The following TLN1 variants were observed in gnomAD, a reference collection of about 807,000 sequenced individuals.
The protein encoded by TLN1 is talin-1.
TLN1 carries 56 observed loss-of-function variants against 292.3 expected under a neutral mutation model. The ratio of observed to expected loss-of-function variants is 0.19; its 90% CI spans 0.15 to 0.24. The LOEUF is 0.24. Ranked by LOEUF, TLN1 falls within the 10% of genes least tolerant of loss-of-function variation. The pLI, the probability that TLN1 is intolerant of heterozygous loss-of-function variation, is 1.00. For missense variants in TLN1, 2,433 were observed against 3,248.2 expected (o/e 0.75, Z 6.10); for synonymous variants, 1,119 against 1,253.7 (o/e 0.89, Z 2.27).
In TLN1 at chr9:35,710,779, G is replaced by T. The variant is rs1460656036; in HGVS notation, c.4203+18C>A. 5 of 1,614,052 alleles carry T rather than the reference G, an allele frequency of 3.1e-6. No homozygotes were observed. In the African/African-American group the frequency reaches 5.3e-5, roughly 17 times the overall value. ...CATCCTACTGCCCTCTCTCCTCCGAGTTCCTGGCTGTGCTGACCTTTGAGT... is the reference window on the plus strand; with the variant it reads ...CATCCTACTGCCCTCTCTCCTCCGATTTCCTGGCTGTGCTGACCTTTGAGT... On this transcript the variant is annotated intron_variant, in intron 32 of 56. Coordinates refer to ENST00000314888, the MANE Select transcript of TLN1 (RefSeq NM_006289.4).
At position 35,714,685 on chromosome 9, in the gene TLN1, T is replaced by C; in HGVS notation, c.2874A>G (p.Ala958=). Residue 958 remains alanine, a splice_region_variant and synonymous_variant, in exon 23 of 57, where the codon GCA becomes GCG. Transcript: ENST00000314888. This position sits in a 1 kb window ranked among gnomAD's most constrained non-coding sequence, Gnocchi z 4.6. ...PQPLLVQSCK[A]VAEQIPLLVQ... Reference sequence around the variant, plus strand: ...CCAGCAGTGGAATCTGCTCTGCCACTGCCTGTAGGTGAAAATGTCATAAGA... The same window carrying C: ...CCAGCAGTGGAATCTGCTCTGCCACCGCCTGTAGGTGAAAATGTCATAAGA... 1 of 1,614,136 alleles carries C rather than the reference T, an allele frequency of 6.2e-7. No homozygotes were observed. Among genetic ancestry groups the C allele is most frequent in the Non-Finnish European group, 8.5e-7 (1 of 1,180,006 alleles).
At chr9:35,705,210 G>C (rs1825543470) in intron 43 of TLN1, among the ~76,000 whole-genome samples, 1 of 152,216 alleles carries the variant, frequency 6.6e-6, no homozygotes, top group Non-Finnish European at 1.5e-5. Context: ...GAAAGCTAGA[G>C]GCTTAGGTAA....
At chr9:35,710,458 T>C in intron 33 of TLN1, 103 bp downstream of exon 33, 2 of 1,495,360 alleles carry the variant, frequency 1.3e-6, no homozygotes, top group East Asian at 4.6e-5. Flanking sequence ...GAGTTGGCTT[T>C]GCAAACATAA....
At chr9:35,722,976 G>A in intron 7 of TLN1, 55 bp from the exon 8 acceptor site, 1 of 1,538,358 alleles carries the variant, frequency 6.5e-7, no homozygotes, top group Non-Finnish European at 9.0e-7. Flanking sequence ...GGGACATGTG[G>A]GCCATGAACT....
chr9:35,729,999 T>C (rs1826045334), intron 1 of TLN1, among the ~76,000 whole-genome samples: 1 of 152,040 alleles, frequency 6.6e-6, no homozygotes, highest in Non-Finnish European at 1.5e-5. Context: ...AGAAAAAGAA[T>C]GCTGGTGATG....
chr9:35,725,534 C>T, intron 2 of TLN1, 31 bp downstream of exon 2: 1 of 1,606,980 alleles, frequency 6.2e-7, no homozygotes, highest in Non-Finnish European at 8.5e-7. Context: ...CTGAAGACTC[C>T]CACTCCAGCC....
In TLN1 at chr9:35,698,737, T is replaced by C. The variant is rs1825412431; in HGVS notation, c.7126-58A>G. 6.2e-7 allele frequency: 1 copy of C among 1,614,070 alleles called. No homozygotes were observed. The highest frequency in any genetic ancestry group is 8.5e-7 in the Non-Finnish European group (1 of 1,179,948). ...CATTTTCCTCACTTCAAAGACTCGC[T>C]GGCTATGGATGTGGATGTGGACATC... On this transcript the variant is annotated intron_variant, in intron 53 of 56. Coordinates refer to ENST00000314888, the MANE Select transcript of TLN1 (RefSeq NM_006289.4). This position sits in a 1 kb window ranked among gnomAD's most constrained non-coding sequence, Gnocchi z 5.3.
intron 48 of TLN1, among the ~76,000 whole-genome samples, chr9:35,700,589 T>G (rs940178724): frequency 2.6e-5 from 4 of 152,284 alleles, no homozygotes; most frequent in Non-Finnish European, 5.9e-5. Context: ...TGGCTGGGTT[T>G]TCATTCCCAA....
Position 35,719,658 on chromosome 9 carries a change from T to C in TLN1, c.1579-31A>G, listed in dbSNP as rs1054415573. The C allele has an allele frequency of 1.9e-6, 3 of 1,612,588 alleles. No individual in the cohort carries two copies. The African/African-American group carries it at 4.0e-5, about 22-fold the overall frequency. ...AGAGAGAGGAAAAGCCTTCAGGATC[T>C]GCCCTGGTTTGGTTCACCTCATCCC... On this transcript the variant is annotated intron_variant, in intron 14 of 56. Transcript: ENST00000314888. This position sits in a 1 kb window ranked among gnomAD's most constrained non-coding sequence, Gnocchi z 4.6.
rs1242336772 is a variant in TLN1 at position 35,704,138 on chromosome 9, C to G, written c.6084G>C (p.Glu2028Asp). The change falls in exon 46 of 57, where the codon GAG becomes GAC. Residue 2028 changes from glutamate to aspartate, a missense_variant. By Grantham distance (45) the Glu-to-Asp change is conservative. Around this residue, in one of 7 missense-constraint regions of TLN1, gnomAD observed 1,384 missense variants for 1,699.6 expected, o/e 0.81. Transcript: ENST00000314888. This position sits in a 1 kb window ranked among gnomAD's most constrained non-coding sequence, Gnocchi z 6.9. ...CGTTTTGCACCAGGACCTTGGTGTC[C>G]TCCACCAGCACCTTCGCAGTCTTCA... ...GILKTAKVLV[E>D]DTKVLVQNAA... The G allele has an allele frequency of 5.6e-6, 9 of 1,610,766 alleles. No homozygotes were observed. The highest frequency in any genetic ancestry group is 7.6e-6 in the Non-Finnish European group (9 of 1,178,200).
At position 35,717,132 on chromosome 9, in the gene TLN1, G is replaced by T. The variant is rs747746098; in HGVS notation, c.2458+14C>A. 6 of 1,581,382 alleles carry T rather than the reference G, an allele frequency of 3.8e-6. No individual in the cohort carries two copies. The Admixed American group carries it at 1.0e-4, about 28-fold the overall frequency. ...TGGTAGGGTTTTTTGTTTTCCTGGG[G>T]GTGCGTGTCTTACCAGCATCACCCA... On this transcript the variant is annotated intron_variant, in intron 19 of 56. Coordinates refer to ENST00000314888, the MANE Select transcript of TLN1 (RefSeq NM_006289.4). This position sits in a 1 kb window ranked among gnomAD's most constrained non-coding sequence, Gnocchi z 4.7.
intron 11 of TLN1, 76 bp downstream of exon 11, chr9:35,720,736 G>GT: frequency 1.4e-6 from 2 of 1,405,512 alleles, no homozygotes; most frequent in Non-Finnish European, 2.0e-6. Flanking sequence ...AGCAATCTGA[G>GT]TGCCCATTTC....
chr9:35,707,265 G>C lies in TLN1; in HGVS notation c.4774-12C>G, dbSNP rs1213429205. 1.2e-6 allele frequency: 2 copies of C among 1,603,390 alleles called. No homozygotes were observed. Among genetic ancestry groups the C allele is most frequent in the African/African-American group, 1.3e-5 (1 of 74,648 alleles). On this transcript the variant is annotated splice_polypyrimidine_tract_variant and intron_variant, in intron 36 of 56. Transcript: ENST00000314888. This position sits in a 1 kb window ranked among gnomAD's most constrained non-coding sequence, Gnocchi z 5.6. ...ATGGCAGCCCGACCCTGGGGAGAGG[G>C]GAGGCAGGAAGGTAAGTCTCAGGAG...
At position 35,724,987 on chromosome 9, in the gene TLN1, G is replaced by A. The variant is rs1825943371; in HGVS notation, c.229-28C>T. 1 of 1,613,668 alleles carries A rather than the reference G, an allele frequency of 6.2e-7. No individual in the cohort carries two copies. Among genetic ancestry groups the A allele is most frequent in the Non-Finnish European group, 8.5e-7 (1 of 1,180,018 alleles). ...GTTAGGGCAGGAAGAAGAGACAGGG[G>A]CCTACTCTGAGCTAGGGGTATTATT... On this transcript the variant is annotated intron_variant, in intron 3 of 56. Coordinates refer to ENST00000314888, the MANE Select transcript of TLN1 (RefSeq NM_006289.4). The surrounding 1 kb of genome is among the most constrained non-coding windows in gnomAD (Gnocchi z 4.7).
chr9:35,715,025 T>C, intron 21 of TLN1, 34 bp downstream of exon 21: 1 of 1,612,412 alleles, frequency 6.2e-7, no homozygotes, highest in Non-Finnish European at 8.5e-7. Context: ...GCACCCACAC[T>C]CTCTCTTGCT....
chr9:35,698,483 G>T lies in TLN1; in HGVS notation c.7211C>A (p.Thr2404Asn). Residue 2404 changes from threonine (T) to asparagine (N), a missense_variant, in exon 55 of 57, where the codon ACC (threonine) becomes AAC (asparagine). Coordinates refer to ENST00000314888, the MANE Select transcript of TLN1 (RefSeq NM_006289.4). This position sits in a 1 kb window ranked among gnomAD's most constrained non-coding sequence, Gnocchi z 5.3. The part of the protein sequence containing the change: ...ISAARMVAAA[T>N]NNLCEAANAA... ...ATTGGCTGCCTCACACAGATTGTTG[G>T]TGGCCGCAGCCACCATCCGGGCCTA... The T allele has an allele frequency of 6.2e-7, 1 of 1,613,928 alleles. No homozygotes were observed. The highest frequency in any genetic ancestry group is 8.5e-7 in the Non-Finnish European group (1 of 1,179,944).
chr9:35,721,855 G>A, intron 9 of TLN1, 52 bp from the exon 10 acceptor site: 3 of 1,591,830 alleles, frequency 1.9e-6, no homozygotes, highest in Non-Finnish European at 1.7e-6. Context: ...CAAATGAGAG[G>A]TGAATGATCA....
In TLN1 at chr9:35,727,527, A is replaced by G. The variant is rs115042732; in HGVS notation, c.-33-1800T>C. Among the ~76,000 whole-genome samples, 1,114 of 152,248 alleles carry G rather than the reference A, an allele frequency of 7.3e-3. 13 individuals are homozygous for G. The highest frequency in any genetic ancestry group is 0.025 in the African/African-American group (1,042 of 41,538). On this transcript the variant is annotated intron_variant, in intron 1 of 56. Transcript: ENST00000314888. ...CACAGCTCTCTGTCTTTACTCCCCA[A>G]TAAGAGAGGACCCTCCCAGTCTCCC...
In TLN1 at chr9:35,707,690, G is replaced by A. The variant is rs748139946; in HGVS notation, c.4632+41C>T. ...ACTGGGGGACTCGGGGGAGAAGATA[G>A]GACAGGTCAGGGAGAGGCTGGGAAT... On this transcript the variant is annotated intron_variant, in intron 35 of 56. Coordinates refer to ENST00000314888, the MANE Select transcript of TLN1 (RefSeq NM_006289.4). The surrounding 1 kb of genome is among the most constrained non-coding windows in gnomAD (Gnocchi z 5.6). 7 of 1,613,366 alleles carry A rather than the reference G, an allele frequency of 4.3e-6. No homozygotes were observed. In the South Asian group the frequency reaches 7.7e-5, roughly 18 times the overall value.
Sources: gnomAD v4.1 joint callset for allele counts (sites outside exome capture counted in the v4.1 genomes callset) on GRCh38, gnomAD v4.1.1 for gene constraint, gnomAD v4.1.1 regional missense constraint, Gnocchi (gnomAD v3.1) non-coding constraint, MANE v1.5 for transcripts, NCBI Gene and HGNC (gene_info 2026-07-23, HGNC 2026-07-21) for gene names.